Variants in SV2C observed in about 807,000 individuals in gnomAD.
SV2C encodes the protein solute carrier family 22 member B3.
In SV2C, 49 loss-of-function variants were observed where a neutral mutation model predicts 79.7. The observed-to-expected ratio is 0.61, with a 90% CI of 0.49 to 0.78. SV2C has a LOEUF of 0.78. Ranked by LOEUF, SV2C falls within the 30% of genes least tolerant of loss-of-function variation. SV2C has a pLI of 0.00. For missense variants in SV2C, 833 were observed against 912.9 expected, an observed-to-expected ratio of 0.91 and a Z score of 1.13; for synonymous variants, 334 against 333.2, an observed-to-expected ratio of 1.00 and a Z score of -0.03.
chr5:76,301,637 G>T, intron 12 of SV2C, 92 bp downstream of exon 12: 2 of 1,445,454 alleles, frequency 1.4e-6, no homozygotes, highest in Non-Finnish European at 9.4e-7. Flanking sequence ...GGCTGGGCAC[G>T]GTAGCTTATG....
At chr5:76,038,420 C>A in the SV2C span, among the ~76,000 whole-genome samples, 34 of 152,292 alleles carry the variant, frequency 2.2e-4, no homozygotes, top group Middle Eastern at 3.4e-3. Flanking sequence ...GTTTCTCTGG[C>A]ACTTTCCTAT....
intron 1 of SV2C, among the ~76,000 whole-genome samples, chr5:76,123,797 T>C (rs1748614642): frequency 6.6e-6 from 1 of 152,206 alleles, no homozygotes; most frequent in South Asian, 2.1e-4. Context: ...CTATGGAAGA[T>C]ATGCTCACAG....
At chr5:75,885,553 A>G in the SV2C span, among the ~76,000 whole-genome samples, 1 of 152,140 alleles carries the variant, frequency 6.6e-6, no homozygotes, top group Non-Finnish European at 1.5e-5. Flanking sequence ...GCAGAAGTTC[A>G]TGCTAACTAC....
intron 1 of SV2C, among the ~76,000 whole-genome samples, chr5:76,127,600 G>T (rs1458964043): frequency 6.6e-6 from 1 of 152,172 alleles, no homozygotes; most frequent in Non-Finnish European, 1.5e-5. Context: ...AATGCCCTGG[G>T]TCCCTGGACC....
the SV2C span, among the ~76,000 whole-genome samples, chr5:75,953,726 G>C: frequency 6.6e-6 from 1 of 151,950 alleles, no homozygotes; most frequent in Non-Finnish European, 1.5e-5. Flanking sequence ...GGATAAATCT[G>C]AGTTGCGTTT....
the SV2C span, among the ~76,000 whole-genome samples, chr5:76,001,091 C>G: frequency 6.6e-6 from 1 of 151,172 alleles, no homozygotes; most frequent in Non-Finnish European, 1.5e-5. Context: ...GAAGCATGGA[C>G]AGGCAGAAAG....
At chr5:75,897,657 G>A in the SV2C span, among the ~76,000 whole-genome samples, 63 of 152,406 alleles carry the variant, frequency 4.1e-4, no homozygotes, top group Non-Finnish European at 7.5e-4. Context: ...ATTACCTTGG[G>A]CAGTATGGCC....
chr5:76,143,807 A>G (rs1485917848), intron 2 of SV2C, among the ~76,000 whole-genome samples: 1 of 152,202 alleles, frequency 6.6e-6, no homozygotes, highest in Non-Finnish European at 1.5e-5. Context: ...AATTTTTTCA[A>G]ACTAACGAAT....
the SV2C span, chr5:75,911,898 C>G: frequency 4.0e-6 from 2 of 501,716 alleles, no homozygotes; most frequent in South Asian, 3.1e-5. Context: ...CTCCTCTCAC[C>G]CCACACCTCC....
At chr5:75,978,325 C>T in the SV2C span, among the ~76,000 whole-genome samples, 3 of 152,156 alleles carry the variant, frequency 2.0e-5, no homozygotes, top group Non-Finnish European at 2.9e-5. Flanking sequence ...CCTTCTTATT[C>T]TCCAAATATT....
At chr5:76,238,055 CACACACACACATAT>C (rs1407998918) in intron 4 of SV2C, among the ~76,000 whole-genome samples, 6 of 80,998 alleles carry the variant, frequency 7.4e-5, no homozygotes, top group Admixed American at 1.4e-4. Context: ...CACACACACA[CACACACACACATAT>C]ATATACCTCA....
the SV2C span, among the ~76,000 whole-genome samples, chr5:75,882,851 A>C: frequency 2.6e-5 from 4 of 152,206 alleles, no homozygotes; most frequent in Middle Eastern, 3.4e-3. Flanking sequence ...GGATCTAATT[A>C]AACTAAAGAG....
chr5:75,995,647 T>C, the SV2C span, among the ~76,000 whole-genome samples: 3 of 152,130 alleles, frequency 2.0e-5, no homozygotes, highest in Non-Finnish European at 4.4e-5. Flanking sequence ...TTTATTTTCA[T>C]CTCAGATGTA....
At chr5:75,887,926 A>C in the SV2C span, among the ~76,000 whole-genome samples, 1 of 152,180 alleles carries the variant, frequency 6.6e-6, no homozygotes, top group Non-Finnish European at 1.5e-5. Context: ...GCTTAATTTC[A>C]AAAAATGGTG....
At chr5:76,082,638 C>G (rs1450341646), upstream of SV2C, among the ~76,000 whole-genome samples, 3 of 101,536 alleles carry the variant, frequency 3.0e-5, no homozygotes, top group Non-Finnish European at 5.2e-5. Context: ...CTCTCCACCC[C>G]CCCCCCCTCA....
the SV2C span, among the ~76,000 whole-genome samples, chr5:75,930,824 GTTTCT>G: frequency 6.6e-6 from 1 of 152,188 alleles, no homozygotes; most frequent in Non-Finnish European, 1.5e-5. Context: ...TTGATCATCA[GTTTCT>G]TTGGTGAAGA....
At chr5:76,178,697 A>G (rs548203776) in intron 2 of SV2C, among the ~76,000 whole-genome samples, 5 of 152,238 alleles carry the variant, frequency 3.3e-5, no homozygotes, top group Non-Finnish European at 7.3e-5. Context: ...TGAAAAAGAC[A>G]TATCATTTTC....
chr5:75,938,157 AG>A, the SV2C span, among the ~76,000 whole-genome samples: 1 of 152,218 alleles, frequency 6.6e-6, no homozygotes, highest in African/African-American at 2.4e-5. Context: ...TGGCAAAGTT[AG>A]TACTTTCTGC....
the SV2C span, among the ~76,000 whole-genome samples, chr5:75,978,266 A>G: frequency 1.3e-4 from 20 of 152,128 alleles, no homozygotes; most frequent in African/African-American, 4.8e-4. Context: ...GGCCCTCCTT[A>G]TACCACACTA....
Sources: gnomAD v4.1 joint callset for allele counts (sites outside exome capture counted in the v4.1 genomes callset) on GRCh38, gnomAD v4.1.1 for gene constraint, MANE v1.5 for transcripts, NCBI Gene and HGNC (gene_info 2026-07-23, HGNC 2026-07-21) for gene names.